The following LBP variants were observed in gnomAD, a reference collection of about 807,000 sequenced individuals.
LBP encodes the protein lipopolysaccharide binding protein.
In LBP, 53 loss-of-function variants were observed where a neutral mutation model predicts 56.6. The ratio of observed to expected loss-of-function variants is 0.94; its 90% CI spans 0.75 to 1.18. LBP has a LOEUF of 1.18. LBP is among the 50% of genes most tolerant of loss of function. The pLI is 0.00. For missense variants in LBP, 601 were observed against 598.3 expected, an observed-to-expected ratio of 1.00 and a Z score of -0.05; for synonymous variants, 227 against 247.5, an observed-to-expected ratio of 0.92 and a Z score of 0.78.
intron 1 of LBP, among the ~76,000 whole-genome samples, chr20:38,348,551 G>A (rs1234270364): frequency 6.6e-6 from 1 of 152,054 alleles, no homozygotes; most frequent in African/African-American, 2.4e-5. Context: ...ACCCGCCTCG[G>A]CCTCCCAAAG....
intron 14 of LBP, 47 bp downstream of exon 14, chr20:38,374,060 G>A: frequency 6.4e-7 from 1 of 1,571,384 alleles, no homozygotes; most frequent in Non-Finnish European, 8.8e-7. Context: ...GGAGGAGGTG[G>A]TTTGCATGCT....
At position 38,369,169 on chromosome 20, in the gene LBP, T is replaced by G; in HGVS notation, c.1149+7T>G. 6.2e-7 allele frequency: 1 copy of G among 1,600,900 alleles called. No individual in the cohort carries two copies. Among genetic ancestry groups the G allele is most frequent in the Non-Finnish European group, 8.5e-7 (1 of 1,175,402 alleles). ...TGTCTTCCGGCTCAGTGTGGTAAGGTTCAGAGCCTTTGCAAATGCTGTTTC... is the reference window on the plus strand; with the variant it reads ...TGTCTTCCGGCTCAGTGTGGTAAGGGTCAGAGCCTTTGCAAATGCTGTTTC... On this transcript the variant is annotated splice_region_variant and intron_variant, in intron 10 of 14. Coordinates refer to ENST00000217407, the MANE Select transcript of LBP (RefSeq NM_004139.5).
chr20:38,347,114 T>TCTGC (rs771595161), intron 1 of LBP, among the ~76,000 whole-genome samples: 13 of 151,974 alleles, frequency 8.6e-5, no homozygotes, highest in Non-Finnish European at 1.3e-4. Flanking sequence ...ATGAGGGAGG[T>TCTGC]CTGCCGGGGT....
chr20:38,352,641 G>A (rs1038805965), intron 3 of LBP, among the ~76,000 whole-genome samples: 4 of 152,168 alleles, frequency 2.6e-5, no homozygotes, highest in Non-Finnish European at 5.9e-5. Context: ...TGTAATCTCA[G>A]CTACTTAGGA....
At chr20:38,365,234 CA>C (rs10627735) in intron 8 of LBP, among the ~76,000 whole-genome samples, 9,942 of 96,488 alleles carry the variant, frequency 0.1, 496 homozygotes, top group East Asian at 0.4. Flanking sequence ...GACCCTGTCT[CA>C]AAAAAAAAAA....
chr20:38,358,039 A>G (rs1261708620), intron 5 of LBP, among the ~76,000 whole-genome samples: 2 of 152,164 alleles, frequency 1.3e-5, no homozygotes, highest in African/African-American at 4.8e-5. Context: ...TATGACCTGT[A>G]TCTTGTGATA....
intron 5 of LBP, among the ~76,000 whole-genome samples, chr20:38,359,924 T>C (rs896097250): frequency 3.9e-5 from 6 of 152,138 alleles, no homozygotes; most frequent in Non-Finnish European, 7.4e-5. Flanking sequence ...GGAATACTGA[T>C]CAGTCCAGCC....
rs760833819 is a variant in LBP, at chr20:38,354,428, G to A, written c.513G>A (p.Ser171=). 1.6e-5 allele frequency: 25 copies of A among 1,611,082 alleles called. No homozygotes were observed. The highest frequency in any genetic ancestry group is 1.6e-4 in the Middle Eastern group (1 of 6,070). ...TCGCTGACGTGGAGGTGGACATGTCGGGAGACTTGGGGTAGGTCTCCATCG... is the reference window on the plus strand; with the variant it reads ...TCGCTGACGTGGAGGTGGACATGTCAGGAGACTTGGGGTAGGTCTCCATCG... ...SDIADVEVDM[S]GDLGWLLNLF... The change falls in exon 4 of 15, where the codon TCG becomes TCA. Residue 171 remains serine (S), a synonymous_variant. Coordinates refer to ENST00000217407, the MANE Select transcript of LBP (RefSeq NM_004139.5).
intron 3 of LBP, among the ~76,000 whole-genome samples, chr20:38,351,528 G>T (rs1024174866): frequency 1.3e-5 from 2 of 152,294 alleles, no homozygotes; most frequent in South Asian, 2.1e-4. Context: ...GATGGAAGGG[G>T]TATTCATGTG....
chr20:38,361,566 G>A (rs1431972430), intron 6 of LBP, among the ~76,000 whole-genome samples: 8 of 151,682 alleles, frequency 5.3e-5, no homozygotes, highest in African/African-American at 1.5e-4. Flanking sequence ...CACCACACCC[G>A]GCTACTTTTT....
At chr20:38,366,715 A>G in intron 8 of LBP, 54 bp from the exon 9 acceptor site, 4 of 1,517,728 alleles carry the variant, frequency 2.6e-6, no homozygotes, top group Non-Finnish European at 3.7e-6. Context: ...TCTTCTTTAG[A>G]CCTTCAGCTC....
At chr20:38,352,669 C>A (rs145718383) in intron 3 of LBP, among the ~76,000 whole-genome samples, 1 of 152,142 alleles carries the variant, frequency 6.6e-6, no homozygotes, top group African/African-American at 2.4e-5. Flanking sequence ...ACAGGAGAAC[C>A]GCTGTAGCCT....
chr20:38,349,773 CG>C, intron 2 of LBP, 111 bp downstream of exon 2: 2 of 751,302 alleles, frequency 2.7e-6, no homozygotes, highest in South Asian at 1.8e-5. Flanking sequence ...GGGACCTCTC[CG>C]GGGCAGACAG....
chr20:38,361,852 T>TCCC (rs985347053), intron 6 of LBP, among the ~76,000 whole-genome samples: 22 of 151,348 alleles, frequency 1.5e-4, no homozygotes, highest in African/African-American at 5.1e-4. Flanking sequence ...GCCCCTGGTG[T>TCCC]CCCCCTCGGT....
intron 9 of LBP, 37 bp downstream of exon 9, chr20:38,366,865 A>T: frequency 6.4e-7 from 1 of 1,568,262 alleles, no homozygotes; most frequent in South Asian, 1.1e-5. Flanking sequence ...GTGCAGACCG[A>T]GCCTACTAGA....
At chr20:38,367,381 G>A (rs1041152135) in intron 9 of LBP, among the ~76,000 whole-genome samples, 2 of 152,118 alleles carry the variant, frequency 1.3e-5, no homozygotes, top group African/African-American at 2.4e-5. Flanking sequence ...CTGAGGCTGC[G>A]AGGTTGAGGC....
At chr20:38,366,232 G>A (rs957659367) in intron 8 of LBP, among the ~76,000 whole-genome samples, 7 of 151,964 alleles carry the variant, frequency 4.6e-5, no homozygotes, top group Admixed American at 3.9e-4. Context: ...TTGTCCTTCT[G>A]ATGGCCTCCT....
chr20:38,371,130 T>G, intron 11 of LBP, 150 bp from the exon 12 acceptor site: 1 of 636,472 alleles, frequency 1.6e-6, no homozygotes. Context: ...TCACTGCTTT[T>G]AGTTCCTCAG....
intron 4 of LBP, 137 bp from the exon 5 acceptor site, chr20:38,355,209 G>A (rs2076834405): frequency 9.5e-6 from 7 of 735,442 alleles, no homozygotes; most frequent in Middle Eastern, 3.4e-4. Flanking sequence ...GGCTGGATGT[G>A]CTGGGACACA....
Sources: allele counts gnomAD v4.1 joint callset (sites outside exome capture counted in the v4.1 genomes callset), GRCh38; gene constraint gnomAD v4.1.1; transcripts MANE v1.5; gene names NCBI Gene and HGNC (gene_info 2026-07-23, HGNC 2026-07-21).